The following SORCS3 variants were observed in gnomAD, a reference collection of about 807,000 sequenced individuals.
SORCS3 encodes the protein sortilin related VPS10 domain containing receptor 3.
In SORCS3, 57 loss-of-function variants were observed where a neutral mutation model predicts 146.3. That is an observed-to-expected ratio of 0.39 (90% CI 0.31 to 0.49). SORCS3 has a LOEUF of 0.49. Ranked by LOEUF, SORCS3 falls within the 20% of genes least tolerant of loss-of-function variation. SORCS3 has a pLI of 0.92. For missense variants in SORCS3, 1,341 were observed against 1,575.5 expected (o/e 0.85, Z 2.52); for synonymous variants, 653 against 618.5 (o/e 1.06, Z -0.83).
At chr10:105,060,955 C>A (rs1020395318) in intron 5 of SORCS3, among the ~76,000 whole-genome samples, 11 of 147,746 alleles carry the variant, frequency 7.4e-5, no homozygotes, top group African/African-American at 1.2e-4. Flanking sequence ...AAAAAAAAAA[C>A]AAACAAAAAA....
intron 2 of SORCS3, among the ~76,000 whole-genome samples, chr10:104,889,304 C>T (rs531760610): frequency 2.0e-4 from 30 of 147,026 alleles, no homozygotes; most frequent in Non-Finnish European, 3.6e-4. Flanking sequence ...TTTTTAAATC[C>T]GATCTGACAA....
In SORCS3 at chr10:105,263,407, G is replaced by A; in HGVS notation, c.*33G>A. On this transcript the variant is annotated 3_prime_UTR_variant, in exon 27 of 27. Transcript: ENST00000369701. Reference sequence around the variant, plus strand: ...AAGCCACGTGGTCAACCACCTTTCTGACTTTTTATTTTTGATGATTACTAT... The same window carrying A: ...AAGCCACGTGGTCAACCACCTTTCTAACTTTTTATTTTTGATGATTACTAT... The A allele has an allele frequency of 6.2e-7, 1 of 1,601,920 alleles. No homozygotes were observed. Among genetic ancestry groups the A allele is most frequent in the Non-Finnish European group, 8.5e-7 (1 of 1,169,950 alleles).
At chr10:104,781,147 T>A (rs924822607) in intron 1 of SORCS3, among the ~76,000 whole-genome samples, 11 of 152,224 alleles carry the variant, frequency 7.2e-5, no homozygotes, top group Admixed American at 2.0e-4. Flanking sequence ...ATATCTGACA[T>A]CTGCAGAACG....
Position 104,872,514 on chromosome 10 carries a change from C to T in SORCS3, c.695+29655C>T, listed in dbSNP as rs1411995250. On this transcript the variant is annotated intron_variant, in intron 2 of 26. Coordinates refer to ENST00000369701, the MANE Select transcript of SORCS3 (RefSeq NM_014978.3). ...GTGTCAGCTTCTGGGTCCCATCCTC[C>T]AGGGCTTTTTATTCAGAAAGTTGGA... is the stretch of plus-strand genomic sequence containing the variant. Among the ~76,000 whole-genome samples the T allele has an allele frequency of 2.6e-5, 4 of 151,468 alleles. No homozygotes were observed. In the South Asian group the frequency reaches 6.3e-4, roughly 24 times the overall value.
intron 1 of SORCS3, among the ~76,000 whole-genome samples, chr10:104,756,124 G>A (rs990184954): frequency 4.6e-5 from 7 of 152,154 alleles, no homozygotes; most frequent in African/African-American, 1.4e-4. Context: ...AGAGGAAGTC[G>A]AGGTCACTCT....
At chr10:104,938,097 C>T (rs1330240669) in intron 3 of SORCS3, among the ~76,000 whole-genome samples, 1 of 152,196 alleles carries the variant, frequency 6.6e-6, no homozygotes, top group Non-Finnish European at 1.5e-5. Flanking sequence ...CCCATTCAGC[C>T]TCAGCTTGCT....
chr10:104,884,147 T>C (rs1256893551), intron 2 of SORCS3, among the ~76,000 whole-genome samples: 1 of 152,216 alleles, frequency 6.6e-6, no homozygotes, highest in Non-Finnish European at 1.5e-5. Flanking sequence ...AAATACTTCT[T>C]GGCAGGCCAA....
intron 25 of SORCS3, among the ~76,000 whole-genome samples, chr10:105,261,077 CAG>C: frequency 6.6e-6 from 1 of 152,112 alleles, no homozygotes; most frequent in Non-Finnish European, 1.5e-5. Context: ...GTGTGGATAG[CAG>C]AGAGGATAGA....
chr10:105,193,211 C>T (rs1300046019), intron 14 of SORCS3, among the ~76,000 whole-genome samples: 2 of 152,148 alleles, frequency 1.3e-5, no homozygotes, highest in African/African-American at 4.8e-5. Flanking sequence ...GAAATCCTAG[C>T]ACAGTCCAGG....
intron 1 of SORCS3, among the ~76,000 whole-genome samples, chr10:104,725,241 C>G (rs2016611204): frequency 6.6e-6 from 1 of 152,232 alleles, no homozygotes; most frequent in Non-Finnish European, 1.5e-5. Flanking sequence ...TGGAGGTCCA[C>G]TCCAGACCCT....
intron 7 of SORCS3, among the ~76,000 whole-genome samples, chr10:105,124,264 A>G (rs2055956545): frequency 6.6e-6 from 1 of 152,188 alleles, no homozygotes; most frequent in South Asian, 2.1e-4. Flanking sequence ...TTATAAGCTG[A>G]TTATGAAAGT....
intron 9 of SORCS3, among the ~76,000 whole-genome samples, chr10:105,156,683 C>A (rs1589660261): frequency 6.6e-6 from 1 of 152,306 alleles, no homozygotes; most frequent in East Asian, 1.9e-4. Context: ...GCTGGATCAT[C>A]TGCCCCAGGA....
chr10:104,755,209 A>C (rs1267470418), intron 1 of SORCS3, among the ~76,000 whole-genome samples: 2 of 152,226 alleles, frequency 1.3e-5, no homozygotes, highest in South Asian at 4.1e-4. Flanking sequence ...GATTTGGTAC[A>C]TTCATTCATT....
intron 7 of SORCS3, among the ~76,000 whole-genome samples, chr10:105,137,958 T>TTA (rs1445407926): frequency 1.3e-5 from 2 of 150,472 alleles, no homozygotes; most frequent in Admixed American, 6.6e-5. Flanking sequence ...CACTTGAGAC[T>TTA]TATTTGGAAA....
At chr10:104,900,229 C>G (rs2018837166) in intron 2 of SORCS3, among the ~76,000 whole-genome samples, 1 of 152,200 alleles carries the variant, frequency 6.6e-6, no homozygotes, top group Admixed American at 6.5e-5. Flanking sequence ...CTGCTGGTTT[C>G]TGTCAGTGAT....
chr10:104,859,418 C>T (rs2018374783), intron 2 of SORCS3, among the ~76,000 whole-genome samples: 1 of 152,122 alleles, frequency 6.6e-6, no homozygotes, highest in African/African-American at 2.4e-5. Context: ...AAAATTAATT[C>T]AAGATGGATT....
At chr10:105,248,713 CAA>C (rs35611802) in intron 22 of SORCS3, among the ~76,000 whole-genome samples, 1,413 of 110,290 alleles carry the variant, frequency 0.013, 9 homozygotes, top group East Asian at 0.024. Context: ...GACTCCATCT[CAA>C]AAAAAAAAAA....
At chr10:105,012,440 T>C (rs1337326971) in intron 4 of SORCS3, among the ~76,000 whole-genome samples, 1 of 152,178 alleles carries the variant, frequency 6.6e-6, no homozygotes, top group Non-Finnish European at 1.5e-5. Flanking sequence ...AATGTTCTCT[T>C]GTCCTGAAGT....
chr10:105,064,686 T>G (rs1222475430), intron 5 of SORCS3, among the ~76,000 whole-genome samples: 2 of 143,950 alleles, frequency 1.4e-5, no homozygotes, highest in African/African-American at 4.9e-5. Flanking sequence ...GTATCTCAGC[T>G]TTGGGGAAGG....
Sources: allele counts gnomAD v4.1 joint callset (sites outside exome capture counted in the v4.1 genomes callset), GRCh38; gene constraint gnomAD v4.1.1; transcripts MANE v1.5; gene names NCBI Gene and HGNC (gene_info 2026-07-23, HGNC 2026-07-21).